The following PI4KA variants were observed in gnomAD, a reference collection of about 807,000 sequenced individuals.
PI4KA encodes phosphatidylinositol 4-kinase alpha.
PI4KA carries 122 observed loss-of-function variants against 271.4 expected under a neutral mutation model. The ratio of observed to expected loss-of-function variants is 0.45; its 90% CI spans 0.39 to 0.52. The LOEUF (loss-of-function observed/expected upper bound fraction) is 0.52. Ranked by LOEUF, PI4KA falls within the 20% of genes least tolerant of loss-of-function variation. PI4KA has a pLI of 0.00. For missense variants in PI4KA, 1,969 were observed against 2,769.1 expected, an observed-to-expected ratio of 0.71 and a Z score of 6.48; for synonymous variants, 1,041 against 1,078.8, an observed-to-expected ratio of 0.96 and a Z score of 0.69.
At position 20,726,520 on chromosome 22, in the gene PI4KA, G is replaced by T; in HGVS notation, c.4963C>A (p.Pro1655Thr). ...FPPDAILFYI[P>T]QIVQALRYDK... ...TACCTGAGGGCCTGCACAATCTGGGGGATGTAGAAGAGGATGGCGTCCTGT... is the reference window on the plus strand; with the variant it reads ...TACCTGAGGGCCTGCACAATCTGGGTGATGTAGAAGAGGATGGCGTCCTGT... The change falls in exon 42 of 55, where the codon CCC (proline) becomes ACC (threonine). Residue 1655 changes from proline (P) to threonine (T), a missense_variant. This residue lies in a region of PI4KA where 388 missense variants were observed against 521.5 expected (regional missense o/e 0.74). Coordinates refer to ENST00000255882, the MANE Select transcript of PI4KA (RefSeq NM_058004.4). 6.3e-7 allele frequency: 1 copy of T among 1,581,452 alleles called. No homozygotes were observed. Among genetic ancestry groups the T allele is most frequent in the Non-Finnish European group, 8.6e-7 (1 of 1,167,610 alleles).
chr22:20,857,269 C>T (rs1452384900), intron 1 of PI4KA, among the ~76,000 whole-genome samples: 1 of 152,198 alleles, frequency 6.6e-6, no homozygotes, highest in Non-Finnish European at 1.5e-5. Flanking sequence ...TTTCCAAACT[C>T]ATGTCCTTTC....
chr22:20,833,594 A>G (rs1230900311), intron 3 of PI4KA, among the ~76,000 whole-genome samples: 2 of 151,284 alleles, frequency 1.3e-5, no homozygotes, highest in Non-Finnish European at 2.9e-5. Flanking sequence ...TGTTAATGAG[A>G]ACAGCAAAAC....
chr22:20,716,386 G>T (rs1225739335), intron 45 of PI4KA, among the ~76,000 whole-genome samples: 1 of 152,182 alleles, frequency 6.6e-6, no homozygotes. Flanking sequence ...CTCAGTAAAT[G>T]TGTGAAATAA....
At chr22:20,727,496 GT>G in intron 40 of PI4KA, 99 bp from the exon 41 acceptor site, 1 of 1,156,864 alleles carries the variant, frequency 8.6e-7, no homozygotes, top group South Asian at 1.6e-5. Flanking sequence ...GAGAAGTGAT[GT>G]TTCTAAGCAT....
At chr22:20,800,072 A>AT (rs1375881723) in intron 14 of PI4KA, among the ~76,000 whole-genome samples, 4 of 152,214 alleles carry the variant, frequency 2.6e-5, no homozygotes, top group Non-Finnish European at 4.4e-5. Context: ...ACAGTGACTG[A>AT]TTCCAAAGAC....
intron 32 of PI4KA, among the ~76,000 whole-genome samples, chr22:20,737,017 C>T (rs1342126699): frequency 6.6e-6 from 1 of 152,240 alleles, no homozygotes; most frequent in East Asian, 1.9e-4. Context: ...ACCAGTGTAG[C>T]GGTGTCTGGA....
intron 42 of PI4KA, among the ~76,000 whole-genome samples, chr22:20,722,209 CAG>C (rs1926819096): frequency 2.0e-5 from 3 of 152,102 alleles, no homozygotes; most frequent in African/African-American, 7.2e-5. Context: ...GTTTTTGAGA[CAG>C]AGTCTCGGTC....
At chr22:20,758,040 G>A (rs1259595046) in intron 23 of PI4KA, among the ~76,000 whole-genome samples, 3 of 152,044 alleles carry the variant, frequency 2.0e-5, no homozygotes, top group Non-Finnish European at 4.4e-5. Context: ...GGCTTTCAAT[G>A]TGGCCCAACA....
chr22:20,786,073 G>C (rs150163414), intron 19 of PI4KA: 2 of 1,614,126 alleles, frequency 1.2e-6, no homozygotes, highest in East Asian at 4.5e-5. Flanking sequence ...CCCTGAAGTT[G>C]ATGGGGATCA....
intron 17 of PI4KA, among the ~76,000 whole-genome samples, chr22:20,797,612 G>A (rs999671404): frequency 3.9e-5 from 6 of 152,190 alleles, no homozygotes; most frequent in African/African-American, 1.2e-4. Flanking sequence ...GTATCGATGC[G>A]AGAGACAGCT....
intron 45 of PI4KA, among the ~76,000 whole-genome samples, chr22:20,716,219 T>G (rs897483622): frequency 6.6e-6 from 1 of 152,094 alleles, no homozygotes; most frequent in Non-Finnish European, 1.5e-5. Context: ...CCCGGCTGAT[T>G]TTTTGTATTT....
At chr22:20,772,115 A>C (rs1484965728) in intron 19 of PI4KA, among the ~76,000 whole-genome samples, 1 of 152,196 alleles carries the variant, frequency 6.6e-6, no homozygotes, top group Non-Finnish European at 1.5e-5. Context: ...TAATGAGATA[A>C]ATTAATGTAT....
intron 19 of PI4KA, among the ~76,000 whole-genome samples, chr22:20,790,247 A>G (rs1225988732): frequency 6.6e-6 from 1 of 152,208 alleles, no homozygotes; most frequent in Non-Finnish European, 1.5e-5. Flanking sequence ...GCCAAAACCC[A>G]GGCTTCCTGC....
intron 2 of PI4KA, among the ~76,000 whole-genome samples, chr22:20,836,102 C>T (rs1025924310): frequency 7.7e-6 from 1 of 129,798 alleles, no homozygotes; most frequent in African/African-American, 3.1e-5. Flanking sequence ...AACAAAAAAA[C>T]ATGGCAGAAG....
Position 20,799,677 on chromosome 22 carries a change from C to T in PI4KA, c.1814G>A (p.Ser605Asn), listed in dbSNP as rs1383433041. 1 of 1,551,158 alleles carries T rather than the reference C, an allele frequency of 6.4e-7. No homozygotes were observed. Among genetic ancestry groups the T allele is most frequent in the South Asian group, 1.2e-5 (1 of 84,042 alleles). The change falls in exon 15 of 55, where the codon AGC becomes AAC. Residue 605 changes from serine (S) to asparagine (N), a missense_variant. Around this residue, in one of 13 missense-constraint regions of PI4KA, gnomAD observed 228 missense variants for 261.6 expected, o/e 0.87. Transcript: ENST00000255882. ...LSNRLYISQE[S>N]DKDAHLIPDH... is the part of the protein sequence containing the mutation. Reference sequence around the variant, plus strand: ...GACAGGAATAGGGGCGTACTTGTCGCTCTCCTGAGAGATGTAGAGCCGGTT... The same window carrying T: ...GACAGGAATAGGGGCGTACTTGTCGTTCTCCTGAGAGATGTAGAGCCGGTT...
intron 8 of PI4KA, among the ~76,000 whole-genome samples, chr22:20,812,591 G>C (rs556504729): frequency 6.6e-6 from 1 of 152,228 alleles, no homozygotes; most frequent in East Asian, 1.9e-4. Flanking sequence ...GTCTCACTCT[G>C]TTGCCCAGGC....
At chr22:20,858,188 A>G (rs165596) in intron 1 of PI4KA, among the ~76,000 whole-genome samples, 73,883 of 152,022 alleles carry the variant, frequency 0.49, 18,453 homozygotes, top group African/African-American at 0.58. Context: ...GTGAAATCGG[A>G]AGCAGAACCC....
At chr22:20,713,086 G>C in intron 48 of PI4KA, 195 bp downstream of exon 48, 1 of 695,858 alleles carries the variant, frequency 1.4e-6, no homozygotes, top group East Asian at 2.7e-5. Flanking sequence ...GGCATGGCGG[G>C]GACAGTGGGA....
At chr22:20,763,430 AAT>A in intron 22 of PI4KA, among the ~76,000 whole-genome samples, 1 of 149,860 alleles carries the variant, frequency 6.7e-6, no homozygotes, top group East Asian at 2.0e-4. Context: ...ATTTTTGTGC[AAT>A]GTTCTTTTTT....
Sources: gnomAD v4.1 joint callset for allele counts (sites outside exome capture counted in the v4.1 genomes callset) on GRCh38, gnomAD v4.1.1 for gene constraint, gnomAD v4.1.1 regional missense constraint, MANE v1.5 for transcripts, NCBI Gene and HGNC (gene_info 2026-07-23, HGNC 2026-07-21) for gene names.